The following GOLGA6L9 variants were observed in gnomAD, a reference collection of about 807,000 sequenced individuals.
GOLGA6L9 encodes the protein golgin subfamily A member 6-like protein 9.
Under a neutral mutation model 51.3 loss-of-function variants are expected in GOLGA6L9, and 19 were observed. That is an observed-to-expected ratio of 0.37 (90% CI 0.26 to 0.54). The LOEUF is 0.54. Ranked by LOEUF, GOLGA6L9 falls within the 20% of genes least tolerant of loss-of-function variation. GOLGA6L9 has a pLI of 0.83. For missense variants in GOLGA6L9, 247 were observed against 464.1 expected, an observed-to-expected ratio of 0.53 and a Z score of 4.30; for synonymous variants, 97 against 184.2, an observed-to-expected ratio of 0.53 and a Z score of 3.83.
In GOLGA6L9 at chr15:82,436,371, G is replaced by C. The variant is rs1245348367; in HGVS notation, c.1259G>C (p.Arg420Pro). The C allele has an allele frequency of 3.1e-6, 5 of 1,596,402 alleles. No homozygotes were observed. The highest frequency in any genetic ancestry group is 4.5e-5 in the East Asian group (2 of 44,564). The change falls in exon 9 of 9, where the codon CGG becomes CCG. Residue 420 changes from arginine to proline, a missense_variant. By Grantham distance (103) the Arg-to-Pro change is moderately radical. Around this residue, in one of 9 missense-constraint regions of GOLGA6L9, gnomAD observed 20 missense variants for 25.1 expected, o/e 0.80. Transcript: ENST00000618348. ...GAGEAACHSF[R>P]AAENRELNIT... ...GGAGAGGCTGCATGCCATTCTTTTC[G>C]GGCTGCCGAGAACAGGGAGCTAAAC...
At chr15:82,417,396 T>A in the GOLGA6L9 span, among the ~76,000 whole-genome samples, 2 of 152,242 alleles carry the variant, frequency 1.3e-5, no homozygotes. Context: ...TGTCATTTAA[T>A]ACAGTAGTAG....
rs2031813913 is a variant in GOLGA6L9 at position 82,438,695 on chromosome 15, TA to T, written c.*2287del. 1 of 126,688 alleles carries T rather than the reference TA, an allele frequency of 7.9e-6. No homozygotes were observed. Among genetic ancestry groups the T allele is most frequent in the Non-Finnish European group, 1.6e-5 (1 of 61,016 alleles). The allele number at this position is 126,688 out of a possible 1,614,324, so 7.8% of individuals were successfully genotyped here. A position where few individuals can be genotyped will look rare whatever the true frequency, so the allele number is the denominator to read the frequency against. ...GACTGCAAAATATGATAATTATTTTTAAAGTAATTGATTAAACCTGGTAGGT... is the reference window on the plus strand; with the variant it reads ...GACTGCAAAATATGATAATTATTTTTAAGTAATTGATTAAACCTGGTAGGT... On this transcript the variant is annotated 3_prime_UTR_variant, in exon 9 of 9. Coordinates refer to ENST00000618348, the MANE Select transcript of GOLGA6L9 (RefSeq NM_198181.4).
At chr15:82,425,924 A>C (rs1280345079), upstream of GOLGA6L9, among the ~76,000 whole-genome samples, 569 of 149,686 alleles carry the variant, frequency 3.8e-3, 31 homozygotes, top group African/African-American at 0.014. Context: ...ACCAATTAAA[A>C]GTGTTTGGCT....
In GOLGA6L9 at chr15:82,438,349, T is replaced by A. The variant is rs1157681838; in HGVS notation, c.*1938T>A. 6.6e-6 allele frequency: 1 copy of A among 151,188 alleles called. No individual in the cohort carries two copies. Among genetic ancestry groups the A allele is most frequent in the Non-Finnish European group, 1.5e-5 (1 of 67,722 alleles). The allele number at this position is 151,188 out of a possible 1,614,324, so 9.4% of individuals were successfully genotyped here. A position where few individuals can be genotyped will look rare whatever the true frequency, so the allele number is the denominator to read the frequency against. ...ATGTCAGTCTGAAAAATAAATGTAC[T>A]ATATTAACTCAAATACCACTCTCTG... On this transcript the variant is annotated 3_prime_UTR_variant, in exon 9 of 9. Transcript: ENST00000618348.
In GOLGA6L9 at chr15:82,431,819, C is replaced by T; in HGVS notation, c.85-11C>T. On this transcript the variant is annotated splice_polypyrimidine_tract_variant and intron_variant, in intron 1 of 8. Transcript: ENST00000618348. The stretch of plus-strand genomic sequence containing the variant: ...CATTCTCATGAGTGTTACTGCTCTT[C>T]TTTCCCACAGTTAAAAGCATATTGG... 6 of 1,476,400 alleles carry T rather than the reference C, an allele frequency of 4.1e-6. 1 individual carries two copies. Among genetic ancestry groups the T allele is most frequent in the Non-Finnish European group, 5.4e-6 (6 of 1,115,386 alleles). 91.5% of individuals were successfully genotyped at this position (1,476,400 alleles called of 1,614,324 possible).
rs2031790898 is a variant in GOLGA6L9 at position 82,438,368 on chromosome 15, C to T, written c.*1957C>T. On this transcript the variant is annotated 3_prime_UTR_variant, in exon 9 of 9. Coordinates refer to ENST00000618348, the MANE Select transcript of GOLGA6L9 (RefSeq NM_198181.4). The stretch of plus-strand genomic sequence containing the variant: ...ATGTACTATATTAACTCAAATACCA[C>T]TCTCTGTGTAGGTATTTTGTCATAT... The T allele has an allele frequency of 6.6e-6, 1 of 151,300 alleles. No homozygotes were observed. The highest frequency in any genetic ancestry group is 1.5e-5 in the Non-Finnish European group (1 of 67,792). The allele number at this position is 151,300 out of a possible 1,614,324, so 9.4% of individuals were successfully genotyped here.
chr15:82,438,119 A>G lies in GOLGA6L9; in HGVS notation c.*1708A>G, dbSNP rs1272072835. The G allele has an allele frequency of 1.6e-5, 2 of 123,862 alleles. No individual in the cohort carries two copies. Among genetic ancestry groups the G allele is most frequent in the African/African-American group, 2.8e-5 (1 of 35,930 alleles). The allele number at this position is 123,862 out of a possible 1,614,324, so 7.7% of individuals were successfully genotyped here. A position where few individuals can be genotyped will look rare whatever the true frequency, so the allele number is the denominator to read the frequency against. On this transcript the variant is annotated 3_prime_UTR_variant, in exon 9 of 9. Transcript: ENST00000618348. ...GCCACATTATTTGGTCTAACAGTTT[A>G]TCATTCTGAAACTGAGCTTACCTAA...
Position 82,430,110 on chromosome 15 carries a change from C to G in GOLGA6L9, c.31C>G (p.Pro11Ala). Reference sequence around the variant, plus strand: ...GCCCCAACCCCGCCTCCCTCCCCACCCCGCGATGTCAGAAAAAACACAACA... The same window carrying G: ...GCCCCAACCCCGCCTCCCTCCCCACGCCGCGATGTCAGAAAAAACACAACA... Reference protein sequence around the residue: MWPQPRLPPHPAMSEKTQQGK... With the variant: MWPQPRLPPHAAMSEKTQQGK... The change falls in exon 1 of 9, where the codon CCC becomes GCC. Residue 11 changes from proline (P) to alanine (A), a missense_variant. Pro to Ala is a conservative substitution (Grantham distance 27, BLOSUM62 -1). Around this residue, in one of 9 missense-constraint regions of GOLGA6L9, gnomAD observed 14 missense variants for 18.1 expected, o/e 0.77. Coordinates refer to ENST00000618348, the MANE Select transcript of GOLGA6L9 (RefSeq NM_198181.4). 1.2e-6 allele frequency: 1 copy of G among 842,996 alleles called. No homozygotes were observed. The highest frequency in any genetic ancestry group is 1.5e-5 in the South Asian group (1 of 68,728). 52.2% of individuals were successfully genotyped at this position (842,996 alleles called of 1,614,324 possible).
At chr15:82,433,118 T>C (rs1249179111) in intron 4 of GOLGA6L9, among the ~76,000 whole-genome samples, 15 of 151,358 alleles carry the variant, frequency 9.9e-5, no homozygotes, top group African/African-American at 3.6e-4. Flanking sequence ...ACACCCCTGC[T>C]CTAGTCCTTG....
chr15:82,418,447 C>G, the GOLGA6L9 span, among the ~76,000 whole-genome samples: 4 of 152,186 alleles, frequency 2.6e-5, no homozygotes, highest in Non-Finnish European at 4.4e-5. Context: ...TTTGTGCTTT[C>G]AAAATTACCA....
chr15:82,418,009 G>A, the GOLGA6L9 span, among the ~76,000 whole-genome samples: 1 of 152,160 alleles, frequency 6.6e-6, no homozygotes, highest in Non-Finnish European at 1.5e-5. Context: ...TTTTCTTTTA[G>A]ATTTTCTTTT....
At position 82,436,881 on chromosome 15, in the gene GOLGA6L9, T is replaced by C. The variant is rs2031711099; in HGVS notation, c.*470T>C. On this transcript the variant is annotated 3_prime_UTR_variant, in exon 9 of 9. Transcript: ENST00000618348. ...AATGTTAGTACAGCCTGTATATTCA[T>C]TACGGAATTCAGATAAAATTTCCTT... is the stretch of plus-strand genomic sequence containing the variant. The C allele has an allele frequency of 6.4e-6, 1 of 156,788 alleles. No homozygotes were observed. Among genetic ancestry groups the C allele is most frequent in the South Asian group, 1.7e-4 (1 of 5,788 alleles). The allele number at this position is 156,788 out of a possible 1,614,324, so 9.7% of individuals were successfully genotyped here.
Position 82,434,124 on chromosome 15 carries a change from G to A in GOLGA6L9, c.524G>A (p.Ser175Asn), listed in dbSNP as rs1276394087. Residue 175 changes from serine to asparagine, a missense_variant, in exon 6 of 9, where the codon AGT becomes AAT. Transcript: ENST00000618348. ...ETNHLRKELE[S>N]VGRQLQAEVE... ...AACCACCTAAGGAAGGAGCTAGAGA[G>A]TGTGGGAAGACAGCTCCAGGCTGAG... is the stretch of plus-strand genomic sequence containing the variant. The A allele has an allele frequency of 2.0e-6, 3 of 1,529,978 alleles. No homozygotes were observed. Among genetic ancestry groups the A allele is most frequent in the Non-Finnish European group, 2.6e-6 (3 of 1,146,418 alleles). The allele number at this position is 1,529,978 out of a possible 1,614,324, so 94.8% of individuals were successfully genotyped here.
At chr15:82,425,856 TAGAATA>T (rs1330767739), upstream of GOLGA6L9, among the ~76,000 whole-genome samples, 7 of 148,116 alleles carry the variant, frequency 4.7e-5, no homozygotes, top group Non-Finnish European at 1.0e-4. Flanking sequence ...GAGAGAAGAG[TAGAATA>T]AGAATATACG....
the GOLGA6L9 span, among the ~76,000 whole-genome samples, chr15:82,417,200 C>G: frequency 2.6e-5 from 4 of 152,202 alleles, no homozygotes; most frequent in African/African-American, 9.7e-5. Flanking sequence ...ACAGCTTTGA[C>G]AACTGAATTT....
chr15:82,428,956 T>G (rs1448701196), upstream of GOLGA6L9, among the ~76,000 whole-genome samples: 2 of 151,604 alleles, frequency 1.3e-5, no homozygotes, highest in African/African-American at 4.9e-5. Context: ...TTGCAAGGCC[T>G]AGAGTGGCCT....
At chr15:82,424,817 ACTCTT>A (rs1406364271), upstream of GOLGA6L9, among the ~76,000 whole-genome samples, 1 of 146,352 alleles carries the variant, frequency 6.8e-6, no homozygotes. Flanking sequence ...TGAAAATCAG[ACTCTT>A]CTCGAGCAAT....
the GOLGA6L9 span, chr15:82,419,954 CTAGAGAT>C: frequency 3.0e-6 from 1 of 332,540 alleles, no homozygotes; most frequent in Admixed American, 3.3e-5. Flanking sequence ...CTGCTGTGTT[CTAGAGAT>C]GTTTTGTTCT....
At chr15:82,425,831 T>C (rs1276924089), upstream of GOLGA6L9, among the ~76,000 whole-genome samples, 3 of 145,430 alleles carry the variant, frequency 2.1e-5, no homozygotes, top group Non-Finnish European at 4.5e-5. Flanking sequence ...TATGGTATGC[T>C]ACTTTTTGTG....
Sources: allele counts gnomAD v4.1 joint callset (sites outside exome capture counted in the v4.1 genomes callset), GRCh38; gene constraint gnomAD v4.1.1; regional missense constraint gnomAD v4.1.1; transcripts MANE v1.5; gene names NCBI Gene and HGNC (gene_info 2026-07-23, HGNC 2026-07-21).